The following ZNF469 variants were observed in gnomAD, a reference collection of about 807,000 sequenced individuals.
The protein encoded by ZNF469 is zinc finger protein 469.
Under a neutral mutation model 1.0 loss-of-function variants are expected in ZNF469, and 1 was observed. The observed-to-expected ratio is 1.00, with a 90% CI of 0.35 to 4.73. The LOEUF (loss-of-function observed/expected upper bound fraction) is 4.73. ZNF469 is among the 30% of genes most tolerant of loss of function. ZNF469 has a pLI of 0.16. For synonymous variants in ZNF469, 2,703 were observed against 2,363.4 expected, an observed-to-expected ratio of 1.14 and a Z score of -4.17; for missense variants, 6,100 against 5,356.3, an observed-to-expected ratio of 1.14 and a Z score of -4.33.
the ZNF469 span, among the ~76,000 whole-genome samples, chr16:88,170,077 G>C: frequency 1.3e-5 from 2 of 152,206 alleles, no homozygotes; most frequent in African/African-American, 4.8e-5. The surrounding 1 kb of genome is among the most constrained non-coding windows in gnomAD (Gnocchi z 4.2). Context: ...CTGACTTACT[G>C]TGTGACTGTG....
Position 88,412,675 on chromosome 16 carries a change from G to A in ZNF469, c.-191-12132G>A, listed in dbSNP as rs77053172. Among the ~76,000 whole-genome samples the A allele has an allele frequency of 1.9e-3, 292 of 152,270 alleles. 1 individual carries two copies. The highest frequency in any genetic ancestry group is 4.2e-3 in the Admixed American group (65 of 15,306). On this transcript the variant is annotated intron_variant, in intron 1 of 2. Transcript: ENST00000565624. Reference sequence around the variant, plus strand: ...CACCCACAGCGATGTCCCCACACTCGGTCAATATACCCGAAAGAGCGAGTG... The same window carrying A: ...CACCCACAGCGATGTCCCCACACTCAGTCAATATACCCGAAAGAGCGAGTG...
At chr16:88,230,828 C>G in the ZNF469 span, among the ~76,000 whole-genome samples, 1 of 152,216 alleles carries the variant, frequency 6.6e-6, no homozygotes, top group Admixed American at 6.5e-5. Context: ...GGCCTCCCTC[C>G]CTGGCCCCGT....
chr16:88,401,631 ATGG>A (rs1904866156), intron 1 of ZNF469, among the ~76,000 whole-genome samples: 1 of 142,750 alleles, frequency 7.0e-6, no homozygotes, highest in Non-Finnish European at 1.6e-5. Flanking sequence ...GGATGGATGG[ATGG>A]ATGGATGGAT....
Position 88,432,808 on chromosome 16 carries a change from C to G in ZNF469, c.5338C>G (p.Pro1780Ala), listed in dbSNP as rs773949576. ...ACAGAGAGGAGGGTTCCTCCCAGAG[C>G]CCGGCACAGCAGACCAGCCCCACCG... ...CEQRGGFLPE[P>A]GTADQPHRGA... Residue 1780 changes from proline to alanine, a missense_variant, in exon 3 of 3, where the codon CCC becomes GCC. Coordinates refer to ENST00000565624, the MANE Select transcript of ZNF469 (RefSeq NM_001367624.2). 13 of 1,550,260 alleles carry G rather than the reference C, an allele frequency of 8.4e-6. No homozygotes were observed. The highest frequency in any genetic ancestry group is 2.0e-5 in the Admixed American group (1 of 50,992).
chr16:88,292,949 T>C, the ZNF469 span, among the ~76,000 whole-genome samples: 1 of 152,316 alleles, frequency 6.6e-6, no homozygotes, highest in South Asian at 2.1e-4. Flanking sequence ...TCCACCTAAA[T>C]GCCCTTGGGG....
the ZNF469 span, among the ~76,000 whole-genome samples, chr16:88,189,504 A>G: frequency 6.6e-6 from 1 of 152,342 alleles, no homozygotes; most frequent in East Asian, 1.9e-4. The surrounding 1 kb of genome is among the most constrained non-coding windows in gnomAD (Gnocchi z 4.3). Flanking sequence ...AGCACTGGGC[A>G]CGTTCATTTA....
rs767728536 is a variant in ZNF469, at chr16:88,438,218, C to T, written c.10748C>T (p.Ser3583Phe). ...GALERPENEASPGSPGPLLQQ... is the reference protein window; with the variant it reads ...GALERPENEAFPGSPGPLLQQ... ...CTGGAGAGGCCAGAGAACGAGGCTT[C>T]CCCAGGCAGCCCCGGGCCTCTTCTC... Residue 3583 changes from serine (S) to phenylalanine (F), a missense_variant, in exon 3 of 3, where the codon TCC (serine) becomes TTC (phenylalanine). Coordinates refer to ENST00000565624, the MANE Select transcript of ZNF469 (RefSeq NM_001367624.2). 6 of 1,546,694 alleles carry T rather than the reference C, an allele frequency of 3.9e-6. No homozygotes were observed. The African/African-American group carries it at 4.1e-5, about 11-fold the overall frequency.
intron 1 of ZNF469, among the ~76,000 whole-genome samples, chr16:88,407,440 G>A (rs747630863): frequency 3.3e-5 from 5 of 152,242 alleles, no homozygotes; most frequent in Admixed American, 6.5e-5. Context: ...TATCTATAGC[G>A]TGGCCGATGA....
rs567183966 is a variant in ZNF469 at position 88,428,564 on chromosome 16, C to T, written c.1094C>T (p.Pro365Leu). The change falls in exon 3 of 3, where the codon CCG becomes CTG. Residue 365 changes from proline to leucine, a missense_variant. Pro to Leu is a moderately conservative substitution (Grantham distance 98). Transcript: ENST00000565624. ...LSSPGAAHSA[P>L]RPFSDSLHKS... is the part of the protein sequence containing the mutation. ...TCCCCTGGAGCTGCTCACTCGGCCC[C>T]GAGACCCTTCTCTGACAGTTTACAC... 135 of 1,550,186 alleles carry T rather than the reference C, an allele frequency of 8.7e-5. 2 individuals are homozygous for T. The Admixed American group carries it at 2.5e-3, about 28-fold the overall frequency.
At chr16:88,220,668 G>T in the ZNF469 span, among the ~76,000 whole-genome samples, 2 of 152,020 alleles carry the variant, frequency 1.3e-5, no homozygotes, top group Non-Finnish European at 2.9e-5. Flanking sequence ...GGGAGAGGTC[G>T]CACTGTCCAG....
the ZNF469 span, among the ~76,000 whole-genome samples, chr16:88,232,085 G>T: frequency 6.6e-6 from 1 of 152,154 alleles, no homozygotes; most frequent in African/African-American, 2.4e-5. Flanking sequence ...CGCGAGGAGG[G>T]TATCTGGCCC....
the ZNF469 span, among the ~76,000 whole-genome samples, chr16:88,205,406 G>A: frequency 6.6e-6 from 1 of 152,104 alleles, no homozygotes; most frequent in East Asian, 1.9e-4. This position sits in a 1 kb window ranked among gnomAD's most constrained non-coding sequence, Gnocchi z 4.2. Context: ...TTCTAGGCAG[G>A]GTTCCCCATT....
Position 88,436,808 on chromosome 16 carries a change from C to T in ZNF469, c.9338C>T (p.Ala3113Val), listed in dbSNP as rs1162224297. 3.2e-6 allele frequency: 5 copies of T among 1,540,770 alleles called. No homozygotes were observed. The highest frequency in any genetic ancestry group is 3.5e-6 in the Non-Finnish European group (4 of 1,146,062). Residue 3113 changes from alanine to valine, a missense_variant, in exon 3 of 3, where the codon GCC (alanine) becomes GTC (valine). Physicochemically the swap from Ala to Val is moderately conservative, Grantham distance 64. Transcript: ENST00000565624. ...GRGRPAKGRR[A>V]SYKCKVCFQR... Reference sequence around the variant, plus strand: ...GGCCGGCCGGCCAAGGGCAGGCGGGCCTCCTACAAGTGCAAAGTGTGCTTC... The same window carrying T: ...GGCCGGCCGGCCAAGGGCAGGCGGGTCTCCTACAAGTGCAAAGTGTGCTTC...
chr16:88,428,597 T>C lies in ZNF469; in HGVS notation c.1127T>C (p.Leu376Pro). The change falls in exon 3 of 3, where the codon CTG becomes CCG. Residue 376 changes from leucine to proline, a missense_variant. Physicochemically the swap from Leu to Pro is moderately conservative, Grantham distance 98 (BLOSUM62 -3). Coordinates refer to ENST00000565624, the MANE Select transcript of ZNF469 (RefSeq NM_001367624.2). ...RPFSDSLHKS[L>P]TKILPERPPS... ...TTCTCTGACAGTTTACACAAGAGCC[T>C]GACCAAAATCCTTCCCGAAAGACCA... 1 of 1,550,224 alleles carries C rather than the reference T, an allele frequency of 6.5e-7. No homozygotes were observed. The highest frequency in any genetic ancestry group is 8.7e-7 in the Non-Finnish European group (1 of 1,146,880).
chr16:88,363,870 T>G, the ZNF469 span, among the ~76,000 whole-genome samples: 2 of 152,352 alleles, frequency 1.3e-5, no homozygotes, highest in Admixed American at 1.3e-4. Context: ...TGATAGTTAT[T>G]ACCTGCATGC....
the ZNF469 span, among the ~76,000 whole-genome samples, chr16:88,134,721 G>C: frequency 1.3e-5 from 2 of 152,234 alleles, no homozygotes; most frequent in African/African-American, 2.4e-5. Context: ...GTAAATCCCT[G>C]CCGTCTGGCA....
chr16:88,242,251 C>G, the ZNF469 span, among the ~76,000 whole-genome samples: 1 of 152,242 alleles, frequency 6.6e-6, no homozygotes, highest in Admixed American at 6.5e-5. Flanking sequence ...TCTCATCCGT[C>G]TCACCCTGGT....
the ZNF469 span, among the ~76,000 whole-genome samples, chr16:88,218,570 C>G: frequency 3.3e-5 from 5 of 152,126 alleles, no homozygotes; most frequent in African/African-American, 1.2e-4. Context: ...TTCAACAACG[C>G]TTCATGCTAA....
chr16:88,413,058 G>A (rs1442569878), intron 1 of ZNF469, among the ~76,000 whole-genome samples: 4 of 151,960 alleles, frequency 2.6e-5, no homozygotes, highest in African/African-American at 2.4e-5. Context: ...AGGCACTAGC[G>A]GTGTGGCATC....
Sources: allele counts gnomAD v4.1 joint callset (sites outside exome capture counted in the v4.1 genomes callset), GRCh38; gene constraint gnomAD v4.1.1; non-coding constraint Gnocchi (gnomAD v3.1); transcripts MANE v1.5; gene names NCBI Gene and HGNC (gene_info 2026-07-23, HGNC 2026-07-21).